Variants in TLL1 observed in about 807,000 individuals in gnomAD.
TLL1 encodes tolloid-like protein 1.
TLL1 carries 49 observed loss-of-function variants against 128.2 expected under a neutral mutation model. That is an observed-to-expected ratio of 0.38 (90% confidence interval 0.30 to 0.48). The LOEUF is 0.48. Among genes scored for constraint, TLL1 ranks in the 20% least tolerant of loss-of-function variants. The pLI is 0.96. For missense variants in TLL1, 1,123 were observed against 1,242.0 expected (o/e 0.90, Z 1.44); for synonymous variants, 454 against 418.8 (o/e 1.08, Z -1.03).
chr4:166,015,751 G>A (rs543824706), intron 8 of TLL1, among the ~76,000 whole-genome samples: 5 of 151,984 alleles, frequency 3.3e-5, no homozygotes, highest in South Asian at 4.1e-4. Context: ...GTGATGGTAC[G>A]TAATTCATTG....
intron 1 of TLL1, among the ~76,000 whole-genome samples, chr4:165,889,888 A>G (rs1415234869): frequency 6.6e-6 from 1 of 152,172 alleles, no homozygotes; most frequent in Non-Finnish European, 1.5e-5. Context: ...TTTGACCTCA[A>G]TTAATGTTTA....
chr4:166,006,508 A>G (rs1164601469), intron 6 of TLL1, among the ~76,000 whole-genome samples: 1 of 151,838 alleles, frequency 6.6e-6, no homozygotes, highest in Non-Finnish European at 1.5e-5. Flanking sequence ...TAAGTTCTAA[A>G]TTGAAATCTT....
intron 1 of TLL1, among the ~76,000 whole-genome samples, chr4:165,985,973 G>T (rs1434852134): frequency 6.6e-6 from 1 of 151,560 alleles, no homozygotes; most frequent in Non-Finnish European, 1.5e-5. Flanking sequence ...TATTCTAATT[G>T]CACTTGAGTA....
In TLL1 at chr4:166,102,884, A is replaced by G. The variant is rs778130829; in HGVS notation, c.*2008A>G. 1.4e-4 allele frequency: 22 copies of G among 151,810 alleles called. No homozygotes were observed. Among genetic ancestry groups the G allele is most frequent in the Non-Finnish European group, 2.9e-4 (20 of 67,870 alleles). 9.4% of individuals were successfully genotyped at this position (151,810 alleles called of 1,614,324 possible). On this transcript the variant is annotated 3_prime_UTR_variant, in exon 21 of 21. Transcript: ENST00000061240. ...GATTTATTCCAGTAACTTCTTCCAT[A>G]TTTTCTCACTAATCTCCCGTTAGCC...
At chr4:165,898,655 AT>A (rs753791997) in intron 1 of TLL1, among the ~76,000 whole-genome samples, 2 of 152,160 alleles carry the variant, frequency 1.3e-5, no homozygotes, top group Non-Finnish European at 2.9e-5. Flanking sequence ...AGGATTTTGC[AT>A]TGATGTTCAT....
In TLL1 at chr4:165,952,658, A is replaced by G. The variant is rs191313598; in HGVS notation, c.170-36723A>G. Among the ~76,000 whole-genome samples the G allele has an allele frequency of 9.2e-5, 14 of 152,234 alleles. No homozygotes were observed. The East Asian group carries it at 2.7e-3, about 29-fold the overall frequency. ...CCAGAATAGTGTACTCCTTCTAAGG[A>G]CACCAACAGTTATTGTTTTCATGAT... On this transcript the variant is annotated intron_variant, in intron 1 of 20. Transcript: ENST00000061240.
chr4:165,993,726 GGAAAAGACTATA>G (rs1736742187), intron 3 of TLL1, among the ~76,000 whole-genome samples: 1 of 152,062 alleles, frequency 6.6e-6, no homozygotes, highest in Non-Finnish European at 1.5e-5. Flanking sequence ...ATTAAGAAAA[GGAAAAGACTATA>G]GACTTGAAAG....
In TLL1 at chr4:166,052,817, A is replaced by G. The variant is rs183828992; in HGVS notation, c.1525-2259A>G. Among the ~76,000 whole-genome samples, 393 of 151,782 alleles carry G rather than the reference A, an allele frequency of 2.6e-3. 2 individuals carry two copies. The highest frequency in any genetic ancestry group is 8.4e-3 in the African/African-American group (346 of 41,382). On this transcript the variant is annotated intron_variant, in intron 12 of 20. Coordinates refer to ENST00000061240, the MANE Select transcript of TLL1 (RefSeq NM_012464.5). ...CAGTTTTGTCATTTATTCTGTTATC[A>G]AACTCTATAACTTGAAATCTGAGAT... is the stretch of plus-strand genomic sequence containing the variant.
intron 16 of TLL1, among the ~76,000 whole-genome samples, chr4:166,072,611 TATACTCAAAA>T (rs1740844742): frequency 6.6e-6 from 1 of 152,094 alleles, no homozygotes; most frequent in African/African-American, 2.4e-5. Context: ...TGAAATTAAT[TATACTCAAAA>T]ATATGAGCAA....
Position 165,889,602 on chromosome 4 carries a change from C to A in TLL1, c.169+15529C>A, listed in dbSNP as rs1731306615. Among the ~76,000 whole-genome samples, 5 of 152,168 alleles carry A rather than the reference C, an allele frequency of 3.3e-5. 1 individual carries two copies. The South Asian group carries it at 1.0e-3, about 31-fold the overall frequency. ...CCTGTACTGACTTGCTGCCTTCAGG[C>A]AGATTTGATTATTCTTTAACTTTGT... On this transcript the variant is annotated intron_variant, in intron 1 of 20. Transcript: ENST00000061240.
rs1240312971 is a variant in TLL1 at position 165,885,334 on chromosome 4, T to C, written c.169+11261T>C. On this transcript the variant is annotated intron_variant, in intron 1 of 20. Transcript: ENST00000061240. ...CTGACATCAGAAGCAAGAGCTCCTCTCAAGTGGTACCAAGAAGTTGCAGTG... is the reference window on the plus strand; with the variant it reads ...CTGACATCAGAAGCAAGAGCTCCTCCCAAGTGGTACCAAGAAGTTGCAGTG... Among the ~76,000 whole-genome samples, 13 of 151,882 alleles carry C rather than the reference T, an allele frequency of 8.6e-5. 1 individual carries two copies. The highest frequency in any genetic ancestry group is 1.5e-5 in the Non-Finnish European group (1 of 67,948).
rs375718088 is a variant in TLL1, at chr4:166,014,440, A to C, written c.922A>C (p.Met308Leu). The change falls in exon 8 of 21, where the codon ATG becomes CTG. Residue 308 changes from methionine to leucine, a missense_variant. By Grantham distance (15) the Met-to-Leu change is conservative. Coordinates refer to ENST00000061240, the MANE Select transcript of TLL1 (RefSeq NM_012464.5). ...HYARNTFSRG[M>L]FLDTILPSRD... is the part of the protein sequence containing the mutation. The stretch of plus-strand genomic sequence containing the variant: ...TTTGCTTCTGCTTTTTTTCAGGGGG[A>C]TGTTTCTGGATACCATTCTCCCCTC... 1 of 1,611,512 alleles carries C rather than the reference A, an allele frequency of 6.2e-7. No individual in the cohort carries two copies. The highest frequency in any genetic ancestry group is 1.7e-5 in the Admixed American group (1 of 59,840).
chr4:166,097,531 G>C (rs1742079719), intron 19 of TLL1, among the ~76,000 whole-genome samples: 1 of 152,038 alleles, frequency 6.6e-6, no homozygotes, highest in Non-Finnish European at 1.5e-5. Flanking sequence ...GTCACACAAA[G>C]GTCTCTGAAT....
intron 1 of TLL1, among the ~76,000 whole-genome samples, chr4:165,899,361 T>A (rs1731844023): frequency 6.6e-6 from 1 of 152,234 alleles, no homozygotes; most frequent in Non-Finnish European, 1.5e-5. Context: ...GGGCATTTAG[T>A]GCTATAAATT....
intron 15 of TLL1, among the ~76,000 whole-genome samples, chr4:166,062,210 TG>T (rs1308105526): frequency 4.6e-5 from 7 of 152,350 alleles, no homozygotes; most frequent in Admixed American, 1.3e-4. Context: ...GGTTCTTTTT[TG>T]GTTCCATATG....
At position 166,081,060 on chromosome 4, in the gene TLL1, C is replaced by G. The variant is rs1188356024; in HGVS notation, c.2442+3030C>G. Reference sequence around the variant, plus strand: ...TTGAGCTTTCTCAGTGATCCTATTTCTTCTCTTCATGGCAGTGAAACTCTG... The same window carrying G: ...TTGAGCTTTCTCAGTGATCCTATTTGTTCTCTTCATGGCAGTGAAACTCTG... On this transcript the variant is annotated intron_variant, in intron 18 of 20. Coordinates refer to ENST00000061240, the MANE Select transcript of TLL1 (RefSeq NM_012464.5). Among the ~76,000 whole-genome samples the G allele has an allele frequency of 2.0e-5, 3 of 152,236 alleles. No individual in the cohort carries two copies. In the South Asian group the frequency reaches 6.2e-4, roughly 32 times the overall value.
chr4:165,985,558 T>G (rs1736358631), intron 1 of TLL1, among the ~76,000 whole-genome samples: 1 of 151,962 alleles, frequency 6.6e-6, no homozygotes, highest in Non-Finnish European at 1.5e-5. Context: ...GCATATAGTT[T>G]TTCAGAAATC....
intron 8 of TLL1, among the ~76,000 whole-genome samples, chr4:166,016,149 A>G (rs926604751): frequency 6.6e-6 from 1 of 151,996 alleles, no homozygotes; most frequent in African/African-American, 2.4e-5. Context: ...AAAATGTTTT[A>G]TGTATGTATG....
At chr4:165,983,020 A>T (rs1736223189) in intron 1 of TLL1, among the ~76,000 whole-genome samples, 1 of 151,874 alleles carries the variant, frequency 6.6e-6, no homozygotes, top group African/African-American at 2.4e-5. Flanking sequence ...GCAGTGTAAG[A>T]ATGGAAGTTT....
Sources: allele counts gnomAD v4.1 joint callset (sites outside exome capture counted in the v4.1 genomes callset), GRCh38; gene constraint gnomAD v4.1.1; transcripts MANE v1.5; gene names NCBI Gene and HGNC (gene_info 2026-07-23, HGNC 2026-07-21).